ANKS1B: variants seen among roughly 807,000 people sequenced by gnomAD.
The protein encoded by ANKS1B is ankyrin repeat and sterile alpha motif domain-containing protein 1B.
In ANKS1B, 36 loss-of-function variants were observed where a neutral mutation model predicts 148.3. That is an observed-to-expected ratio of 0.24 (90% CI 0.19 to 0.32). The LOEUF (loss-of-function observed/expected upper bound fraction) is 0.32. Ranked by LOEUF, ANKS1B falls within the 10% of genes least tolerant of loss-of-function variation. The pLI is 1.00. For missense variants in ANKS1B, 1,157 were observed against 1,542.6 expected, an observed-to-expected ratio of 0.75 and a Z score of 4.19; for synonymous variants, 542 against 560.8, an observed-to-expected ratio of 0.97 and a Z score of 0.47.
At chr12:99,409,411 T>C (rs1283447710) in intron 11 of ANKS1B, among the ~76,000 whole-genome samples, 1 of 152,184 alleles carries the variant, frequency 6.6e-6, no homozygotes, top group East Asian at 1.9e-4. Context: ...AAAAATGTGG[T>C]TGGAATGAAT....
intron 1 of ANKS1B, among the ~76,000 whole-genome samples, chr12:99,931,999 A>G (rs1374104604): frequency 1.3e-5 from 2 of 151,970 alleles, no homozygotes; most frequent in East Asian, 3.9e-4. Context: ...TTTTAGCTTC[A>G]GCAAATGAGT....
chr12:99,890,876 G>A (rs1447420810), intron 1 of ANKS1B, among the ~76,000 whole-genome samples: 5 of 151,864 alleles, frequency 3.3e-5, no homozygotes, highest in Non-Finnish European at 7.4e-5. Flanking sequence ...AAAAGCCAAG[G>A]ACAAAAGAAG....
At chr12:99,109,621 A>C (rs1042247776) in intron 15 of ANKS1B, among the ~76,000 whole-genome samples, 1 of 152,172 alleles carries the variant, frequency 6.6e-6, no homozygotes, top group African/African-American at 2.4e-5. Flanking sequence ...AAGTGATAAT[A>C]ATGTTATTTA....
At position 98,811,464 on chromosome 12, in the gene ANKS1B, C is replaced by T. The variant is rs976856008; in HGVS notation, c.3067-3546G>A. ...CTCCCCAAGACTCTCTGTGTCAGCT[C>T]GGTAGGTGCTATGTGACCTGCCTGG... On this transcript the variant is annotated intron_variant, in intron 19 of 26. Transcript: ENST00000683438. Among the ~76,000 whole-genome samples, 9 of 152,248 alleles carry T rather than the reference C, an allele frequency of 5.9e-5. 1 individual carries two copies. Among genetic ancestry groups the T allele is most frequent in the East Asian group, 1.9e-4 (1 of 5,168 alleles).
At chr12:99,925,501 A>G (rs2094459707) in intron 1 of ANKS1B, among the ~76,000 whole-genome samples, 1 of 152,172 alleles carries the variant, frequency 6.6e-6, no homozygotes, top group Non-Finnish European at 1.5e-5. Context: ...TACCACCCAG[A>G]TGGTCTTGGA....
At chr12:98,862,171 T>A (rs2099602536) in intron 17 of ANKS1B, among the ~76,000 whole-genome samples, 1 of 152,194 alleles carries the variant, frequency 6.6e-6, no homozygotes, top group South Asian at 2.1e-4. Flanking sequence ...ATGCTGACAT[T>A]AAAGTTTCCT....
intron 8 of ANKS1B, among the ~76,000 whole-genome samples, chr12:99,707,632 G>GAAAA (rs1408988063): frequency 1.1e-4 from 16 of 152,012 alleles, no homozygotes; most frequent in Non-Finnish European, 2.2e-4. Flanking sequence ...AATAAAAGGT[G>GAAAA]ATATGTGGGT....
At chr12:99,379,967 C>T (rs1382825234) in intron 12 of ANKS1B, among the ~76,000 whole-genome samples, 1 of 152,160 alleles carries the variant, frequency 6.6e-6, no homozygotes, top group Admixed American at 6.5e-5. Flanking sequence ...GTGAACTTGC[C>T]TTCTTGCAAA....
intron 24 of ANKS1B, among the ~76,000 whole-genome samples, chr12:98,780,147 T>C (rs781135327): frequency 2.6e-5 from 4 of 152,224 alleles, no homozygotes; most frequent in Admixed American, 2.6e-4. Flanking sequence ...TTGCTGTTTC[T>C]TAAGTTCACC....
intron 17 of ANKS1B, among the ~76,000 whole-genome samples, chr12:99,018,124 C>G (rs1375460378): frequency 1.3e-5 from 2 of 152,140 alleles, no homozygotes. Context: ...CTGCTATGGT[C>G]TGCATGTTTG....
At chr12:98,949,701 T>G (rs564138286) in intron 17 of ANKS1B, 1 of 152,388 alleles carries the variant, frequency 6.6e-6, no homozygotes, top group African/African-American at 2.4e-5. Context: ...GGCTGCCTTC[T>G]TTTTGTTAAT....
chr12:99,833,017 C>T (rs2084279814), intron 1 of ANKS1B, among the ~76,000 whole-genome samples: 1 of 152,046 alleles, frequency 6.6e-6, no homozygotes. Context: ...AGCCACACGA[C>T]TATAAGAAAG....
intron 12 of ANKS1B, among the ~76,000 whole-genome samples, chr12:99,385,311 A>G (rs2093815817): frequency 6.6e-6 from 1 of 152,146 alleles, no homozygotes; most frequent in Non-Finnish European, 1.5e-5. Flanking sequence ...TCTACTAAAA[A>G]TACAAAAATC....
At chr12:98,809,009 C>T (rs899159114) in intron 19 of ANKS1B, among the ~76,000 whole-genome samples, 5 of 152,128 alleles carry the variant, frequency 3.3e-5, no homozygotes, top group African/African-American at 1.2e-4. Context: ...CTAAAAGTTT[C>T]CTCACCCCAG....
At chr12:99,831,300 T>C (rs2083945934) in intron 1 of ANKS1B, among the ~76,000 whole-genome samples, 2 of 151,432 alleles carry the variant, frequency 1.3e-5, no homozygotes, top group Non-Finnish European at 2.9e-5. Flanking sequence ...GTCAATAATA[T>C]TCAGTAATGG....
intron 9 of ANKS1B, among the ~76,000 whole-genome samples, chr12:99,637,791 C>CTATATATATATAA (rs2098253895): frequency 7.6e-6 from 1 of 130,912 alleles, no homozygotes; most frequent in Non-Finnish European, 1.7e-5. Flanking sequence ...ACTCCCCTTT[C>CTATATATATATAA]TATATATATA....
At chr12:99,982,823 G>A (rs574006680) in intron 1 of ANKS1B, among the ~76,000 whole-genome samples, 2 of 152,274 alleles carry the variant, frequency 1.3e-5, no homozygotes, top group African/African-American at 4.8e-5. Context: ...CTGTCAACGA[G>A]TATATAGAAT....
chr12:99,534,019 C>A (rs1329920263), intron 9 of ANKS1B, among the ~76,000 whole-genome samples: 2 of 151,950 alleles, frequency 1.3e-5, no homozygotes, highest in South Asian at 2.1e-4. Context: ...TTTAAAAAAC[C>A]CTCTTTGTAG....
At chr12:99,725,715 C>CA (rs1247450338) in intron 8 of ANKS1B, among the ~76,000 whole-genome samples, 3 of 152,152 alleles carry the variant, frequency 2.0e-5, no homozygotes, top group Non-Finnish European at 4.4e-5. Context: ...CTTCTCAGTG[C>CA]ATGGCATTTA....
Sources: gnomAD v4.1 joint callset for allele counts (sites outside exome capture counted in the v4.1 genomes callset) on GRCh38, gnomAD v4.1.1 for gene constraint, MANE v1.5 for transcripts, NCBI Gene and HGNC (gene_info 2026-07-23, HGNC 2026-07-21) for gene names.